The following SHISA9 variants were observed in gnomAD, a reference collection of about 807,000 sequenced individuals.
The protein encoded by SHISA9 is shisa family member 9, also known as protein shisa-9.
A neutral mutation model predicts 38.0 loss-of-function variants in SHISA9; 13 were observed. The ratio of observed to expected loss-of-function variants is 0.34; its 90% CI spans 0.22 to 0.54. The LOEUF (loss-of-function observed/expected upper bound fraction) is 0.54. Among genes scored for constraint, SHISA9 ranks in the 20% least tolerant of loss-of-function variants. The probability of loss-of-function intolerance (pLI) is 0.91; values close to 1 mark genes in which losing one functional copy is unlikely to be tolerated. For missense variants in SHISA9, 538 were observed against 575.8 expected (o/e 0.93, Z 0.67); for synonymous variants, 275 against 242.0 (o/e 1.14, Z -1.27).
the SHISA9 span, among the ~76,000 whole-genome samples, chr16:13,536,917 A>T: frequency 6.6e-6 from 1 of 152,106 alleles, no homozygotes; most frequent in African/African-American, 2.4e-5. Context: ...TTGTCCTACT[A>T]CTCAAAATTC....
At chr16:13,259,259 G>T in the SHISA9 span, among the ~76,000 whole-genome samples, 4 of 152,356 alleles carry the variant, frequency 2.6e-5, no homozygotes, top group Admixed American at 1.3e-4. Flanking sequence ...CTCACATCCA[G>T]TTCATGCTGA....
the SHISA9 span, among the ~76,000 whole-genome samples, chr16:13,403,078 T>C: frequency 6.7e-6 from 1 of 150,356 alleles, no homozygotes; most frequent in African/African-American, 2.4e-5. Flanking sequence ...CACTCCAGCC[T>C]GGGGGACAGA....
At chr16:13,441,997 A>G in the SHISA9 span, among the ~76,000 whole-genome samples, 1 of 152,248 alleles carries the variant, frequency 6.6e-6, no homozygotes, top group Admixed American at 6.5e-5. Flanking sequence ...AGCTGCCTCC[A>G]GGGCCTGACA....
intron 2 of SHISA9, among the ~76,000 whole-genome samples, chr16:13,047,552 T>C (rs2073201911): frequency 6.6e-6 from 1 of 152,186 alleles, no homozygotes; most frequent in Non-Finnish European, 1.5e-5. Flanking sequence ...CTGGGGATTG[T>C]CTTTTTGATG....
the SHISA9 span, among the ~76,000 whole-genome samples, chr16:13,511,768 CA>C: frequency 6.6e-6 from 1 of 151,166 alleles, no homozygotes; most frequent in African/African-American, 2.4e-5. Flanking sequence ...GGGAAGAGTA[CA>C]AAAAAGGAGA....
At chr16:13,461,544 A>G in the SHISA9 span, among the ~76,000 whole-genome samples, 48 of 147,476 alleles carry the variant, frequency 3.3e-4, no homozygotes, top group Non-Finnish European at 6.2e-4. Context: ...GTGCCATTGC[A>G]CTCCAGCCTG....
the SHISA9 span, among the ~76,000 whole-genome samples, chr16:13,530,981 C>G: frequency 3.3e-5 from 5 of 152,150 alleles, no homozygotes; most frequent in African/African-American, 1.2e-4. Context: ...GACTATTTCA[C>G]CCACTTCATG....
At chr16:12,930,139 C>T (rs2071444613) in intron 2 of SHISA9, among the ~76,000 whole-genome samples, 1 of 152,214 alleles carries the variant, frequency 6.6e-6, no homozygotes, top group Admixed American at 6.5e-5. Flanking sequence ...GAATCTTCCT[C>T]CCACTCCCTA....
intron 2 of SHISA9, among the ~76,000 whole-genome samples, chr16:13,053,442 G>A (rs2073275451): frequency 6.6e-6 from 1 of 152,148 alleles, no homozygotes; most frequent in South Asian, 2.1e-4. Context: ...CTGCAACCAT[G>A]TTAACCCCTT....
the SHISA9 span, among the ~76,000 whole-genome samples, chr16:13,437,626 G>A: frequency 6.6e-6 from 1 of 152,238 alleles, no homozygotes; most frequent in East Asian, 1.9e-4. Flanking sequence ...ATTCTACTGA[G>A]AAGATCCTGA....
chr16:13,011,516 C>G (rs2072674568), intron 2 of SHISA9, among the ~76,000 whole-genome samples: 1 of 151,984 alleles, frequency 6.6e-6, no homozygotes, highest in African/African-American at 2.4e-5. Context: ...ACCTCTATCT[C>G]TGTATATTTG....
chr16:13,202,447 A>G (rs1170712816), intron 2 of SHISA9, among the ~76,000 whole-genome samples: 3 of 134,522 alleles, frequency 2.2e-5, no homozygotes, highest in Non-Finnish European at 4.9e-5. Flanking sequence ...CAAGCAGCCA[A>G]TATTTAGTTT....
At chr16:12,987,621 G>A (rs536511853) in intron 2 of SHISA9, among the ~76,000 whole-genome samples, 12 of 152,150 alleles carry the variant, frequency 7.9e-5, no homozygotes, top group Non-Finnish European at 1.5e-4. Context: ...AGAGCATCAG[G>A]ATAAATAGCT....
the SHISA9 span, among the ~76,000 whole-genome samples, chr16:13,423,130 G>C: frequency 6.6e-6 from 1 of 152,198 alleles, no homozygotes; most frequent in Admixed American, 6.5e-5. Context: ...GTGACTTGAA[G>C]ATGGTATTGA....
rs528515223 is a variant in SHISA9 at position 13,149,577 on chromosome 16, C to A, written c.692-53817C>A. Among the ~76,000 whole-genome samples the A allele has an allele frequency of 7.9e-4, 121 of 152,238 alleles. 1 individual carries two copies. Among genetic ancestry groups the A allele is most frequent in the Non-Finnish European group, 1.8e-4 (12 of 68,024 alleles). On this transcript the variant is annotated intron_variant, in intron 2 of 4. Coordinates refer to ENST00000558583, the MANE Select transcript of SHISA9 (RefSeq NM_001145204.3). ...TGACCCTGAGCGGATTACATTGCATCTCTGAGCCTCTCTTTTCCCAACATT... is the reference window on the plus strand; with the variant it reads ...TGACCCTGAGCGGATTACATTGCATATCTGAGCCTCTCTTTTCCCAACATT...
At chr16:13,499,108 C>T in the SHISA9 span, among the ~76,000 whole-genome samples, 1 of 152,220 alleles carries the variant, frequency 6.6e-6, no homozygotes, top group African/African-American at 2.4e-5. Flanking sequence ...TCAGAGAACT[C>T]TGTTTCCCCA....
At chr16:13,012,901 A>T (rs1336301273) in intron 2 of SHISA9, among the ~76,000 whole-genome samples, 1 of 152,146 alleles carries the variant, frequency 6.6e-6, no homozygotes, top group Non-Finnish European at 1.5e-5. Flanking sequence ...GTGCTGTGAC[A>T]GCCTCTGTGC....
chr16:13,557,347 A>G, the SHISA9 span, among the ~76,000 whole-genome samples: 604 of 152,322 alleles, frequency 4.0e-3, 3 homozygotes, highest in African/African-American at 0.014. Flanking sequence ...CATGCAATGC[A>G]TTTGTCTGAA....
At chr16:13,106,966 T>TTCTCTCTCTCTC (rs56109043) in intron 2 of SHISA9, among the ~76,000 whole-genome samples, 140 of 145,304 alleles carry the variant, frequency 9.6e-4, no homozygotes, top group African/African-American at 3.4e-3. Context: ...CTTTCTCACG[T>TTCTCTCTCTCTC]TCTCTCTCTC....
Sources: allele counts gnomAD v4.1 joint callset (sites outside exome capture counted in the v4.1 genomes callset), GRCh38; gene constraint gnomAD v4.1.1; transcripts MANE v1.5; gene names NCBI Gene and HGNC (gene_info 2026-07-23, HGNC 2026-07-21).